MPP7: variants seen among roughly 807,000 people sequenced by gnomAD.
MPP7 encodes the protein MAGUK p55 subfamily member 7.
In MPP7, 60 loss-of-function variants were observed where a neutral mutation model predicts 76.5. The observed-to-expected ratio is 0.78, with a 90% CI of 0.64 to 0.97. MPP7 has a LOEUF of 0.97. MPP7 is among the 50% of genes least tolerant of loss of function. MPP7 has a pLI of 0.00. For synonymous variants in MPP7, 237 were observed against 244.5 expected (o/e 0.97, Z 0.29); for missense variants, 641 against 694.0 (o/e 0.92, Z 0.86).
At chr10:28,061,690 G>A (rs756619504) in intron 13 of MPP7, among the ~76,000 whole-genome samples, 5 of 152,008 alleles carry the variant, frequency 3.3e-5, no homozygotes, top group Admixed American at 1.3e-4. Context: ...CAGCAGCTCA[G>A]CAAATCCCAA....
chr10:28,107,270 T>C (rs11006873), intron 11 of MPP7, among the ~76,000 whole-genome samples: 16,858 of 152,160 alleles, frequency 0.11, 1,609 homozygotes, highest in East Asian at 0.5. Flanking sequence ...GCCTCTCTTG[T>C]GGGACTGGGT....
At chr10:28,125,238 GC>G in intron 6 of MPP7, 147 bp from the exon 7 acceptor site, 1 of 657,820 alleles carries the variant, frequency 1.5e-6, no homozygotes, top group East Asian at 2.7e-5. Context: ...TAGACATCAT[GC>G]CATTTGTCTT....
chr10:28,313,625 C>G (rs1841302050), intron 2 of MPP7, among the ~76,000 whole-genome samples: 1 of 152,116 alleles, frequency 6.6e-6, no homozygotes, highest in African/African-American at 2.4e-5. Flanking sequence ...GTTAATATCC[C>G]CGCAGAGAAG....
intron 3 of MPP7, among the ~76,000 whole-genome samples, chr10:28,171,559 C>T (rs1836681565): frequency 6.6e-6 from 1 of 152,144 alleles, no homozygotes; most frequent in Non-Finnish European, 1.5e-5. Flanking sequence ...GAAAGAGAAA[C>T]TATAATTTCG....
intron 5 of MPP7, among the ~76,000 whole-genome samples, chr10:28,140,179 A>G (rs1000130006): frequency 3.9e-5 from 6 of 152,222 alleles, no homozygotes; most frequent in African/African-American, 1.4e-4. Context: ...CAAGCGTGAC[A>G]GCTAAGGAGC....
chr10:28,203,752 G>C (rs1259886244), intron 2 of MPP7, among the ~76,000 whole-genome samples: 1 of 152,004 alleles, frequency 6.6e-6, no homozygotes, highest in Non-Finnish European at 1.5e-5. Flanking sequence ...GTAAAGAAAG[G>C]GTGAAATTTC....
chr10:28,126,286 T>C (rs1446736664), intron 6 of MPP7, among the ~76,000 whole-genome samples: 1 of 152,230 alleles, frequency 6.6e-6, no homozygotes, highest in Admixed American at 6.5e-5. Context: ...TTTCTGCTTT[T>C]ATTTCAATTT....
At chr10:28,223,534 A>G (rs1838590119) in intron 2 of MPP7, among the ~76,000 whole-genome samples, 1 of 152,188 alleles carries the variant, frequency 6.6e-6, no homozygotes, top group South Asian at 2.1e-4. Context: ...TGTTTGTCAG[A>G]GTTCTTCTAA....
chr10:28,184,957 AT>A (rs1425698839), intron 3 of MPP7, among the ~76,000 whole-genome samples: 1 of 147,252 alleles, frequency 6.8e-6, no homozygotes, highest in Non-Finnish European at 1.5e-5. Context: ...ATAATATAAT[AT>A]ATTTATCTTA....
chr10:28,212,167 G>A (rs192375024), intron 2 of MPP7, among the ~76,000 whole-genome samples: 3 of 152,134 alleles, frequency 2.0e-5, no homozygotes, highest in South Asian at 2.1e-4. Flanking sequence ...CTGCTGAATT[G>A]AGAACAGATC....
At chr10:28,312,686 C>T (rs1841296401) in intron 2 of MPP7, among the ~76,000 whole-genome samples, 1 of 152,148 alleles carries the variant, frequency 6.6e-6, no homozygotes, top group Non-Finnish European at 1.5e-5. Context: ...GAAAAAAATA[C>T]ATAGTGAGAT....
At chr10:28,295,589 T>A (rs1841019129) in intron 1 of MPP7, among the ~76,000 whole-genome samples, 1 of 152,216 alleles carries the variant, frequency 6.6e-6, no homozygotes, top group African/African-American at 2.4e-5. Context: ...AATATTTGAT[T>A]AACAAGATTC....
chr10:28,292,173 C>T (rs1049150199), intron 1 of MPP7, among the ~76,000 whole-genome samples: 1 of 152,208 alleles, frequency 6.6e-6, no homozygotes, highest in Non-Finnish European at 1.5e-5. Flanking sequence ...CTAGGAGCAA[C>T]GGGCTATACC....
intron 1 of MPP7, among the ~76,000 whole-genome samples, chr10:28,267,596 T>G (rs970843329): frequency 3.3e-5 from 5 of 152,172 alleles, no homozygotes; most frequent in African/African-American, 1.2e-4. Context: ...TTAGGGATGC[T>G]TGAGCAACTG....
chr10:28,101,452 C>A (rs1388687095), intron 11 of MPP7, among the ~76,000 whole-genome samples: 1 of 151,974 alleles, frequency 6.6e-6, no homozygotes, highest in Non-Finnish European at 1.5e-5. Context: ...GGAAAAAACA[C>A]CTAGGAGTAG....
At chr10:28,143,185 G>C (rs1314103557) in intron 5 of MPP7, among the ~76,000 whole-genome samples, 1 of 152,052 alleles carries the variant, frequency 6.6e-6, no homozygotes, top group African/African-American at 2.4e-5. Context: ...TATATATACA[G>C]AAAGGGTTGA....
intron 16 of MPP7, among the ~76,000 whole-genome samples, chr10:28,055,748 G>A (rs1408678425): frequency 6.6e-6 from 1 of 152,174 alleles, no homozygotes; most frequent in South Asian, 2.1e-4. Flanking sequence ...GACTCTTAAT[G>A]AGTAACAGTT....
intron 1 of MPP7, among the ~76,000 whole-genome samples, chr10:28,249,082 A>G (rs541339009): frequency 8.5e-5 from 13 of 152,234 alleles, no homozygotes; most frequent in African/African-American, 3.1e-4. Flanking sequence ...TAATGAATGA[A>G]AAAATGAATG....
chr10:28,201,874 G>A (rs1837783081), intron 3 of MPP7, among the ~76,000 whole-genome samples: 1 of 152,152 alleles, frequency 6.6e-6, no homozygotes, highest in African/African-American at 2.4e-5. Context: ...GACCGTAAAA[G>A]AGTCTAAACC....
Sources: allele counts gnomAD v4.1 joint callset (sites outside exome capture counted in the v4.1 genomes callset), GRCh38; gene constraint gnomAD v4.1.1; transcripts MANE v1.5; gene names NCBI Gene and HGNC (gene_info 2026-07-23, HGNC 2026-07-21).